DENND1B: variants seen among roughly 807,000 people sequenced by gnomAD.
The protein encoded by DENND1B is DENN domain-containing protein 1B.
A neutral mutation model predicts 90.1 loss-of-function variants in DENND1B; 59 were observed. The observed-to-expected ratio is 0.65, with a 90% CI of 0.53 to 0.81. The LOEUF is 0.81. Ranked by LOEUF, DENND1B falls within the 40% of genes least tolerant of loss-of-function variation. The probability of loss-of-function intolerance (pLI) is 0.00; values close to 1 mark genes in which losing one functional copy is unlikely to be tolerated. For missense variants in DENND1B, 862 were observed against 912.6 expected (o/e 0.94, Z 0.71); for synonymous variants, 337 against 324.6 (o/e 1.04, Z -0.41).
rs1470772877 is a variant in DENND1B, at chr1:197,607,341, C to G, written c.820-167G>C. Among the ~76,000 whole-genome samples the G allele has an allele frequency of 4.6e-5, 7 of 151,040 alleles. No individual in the cohort carries two copies. In the East Asian group the frequency reaches 1.4e-3, roughly 29 times the overall value. ...AAACAACTTTGCCTCCTGAGAAAGTCTGACTACAACTCATACGAAAAGATT... is the reference window on the plus strand; with the variant it reads ...AAACAACTTTGCCTCCTGAGAAAGTGTGACTACAACTCATACGAAAAGATT... On this transcript the variant is annotated intron_variant, in intron 12 of 22. Transcript: ENST00000620048.
At chr1:197,647,970 T>C (rs1378380643) in intron 7 of DENND1B, among the ~76,000 whole-genome samples, 2 of 151,464 alleles carry the variant, frequency 1.3e-5, no homozygotes, top group African/African-American at 2.4e-5. Context: ...AAAAAGATAT[T>C]ATAACTTTAA....
chr1:197,730,077 A>G (rs933760176), intron 2 of DENND1B, among the ~76,000 whole-genome samples: 3 of 152,164 alleles, frequency 2.0e-5, no homozygotes, highest in African/African-American at 4.8e-5. Flanking sequence ...GGTATATCAC[A>G]AAGAATTTTA....
chr1:197,511,664 A>T lies in DENND1B; in HGVS notation c.1815+64T>A. Reference sequence around the variant, plus strand: ...TCTACCAACAAAGAGTATAAGATCCAGTAATCACAGCCAAGGCAAGAATAT... The same window carrying T: ...TCTACCAACAAAGAGTATAAGATCCTGTAATCACAGCCAAGGCAAGAATAT... On this transcript the variant is annotated intron_variant, in intron 22 of 22. Coordinates refer to ENST00000620048, the MANE Select transcript of DENND1B (RefSeq NM_001195215.2). 2.3e-6 allele frequency: 3 copies of T among 1,328,922 alleles called. No homozygotes were observed. The East Asian group carries it at 7.5e-5, about 33-fold the overall frequency. 82.3% of individuals were successfully genotyped at this position (1,328,922 alleles called of 1,614,324 possible). A position where few individuals can be genotyped will look rare whatever the true frequency, so the allele number is the denominator to read the frequency against.
At chr1:197,598,266 C>A (rs1675887573) in intron 13 of DENND1B, among the ~76,000 whole-genome samples, 1 of 151,716 alleles carries the variant, frequency 6.6e-6, no homozygotes, top group South Asian at 2.1e-4. Flanking sequence ...TGAAGTTGTT[C>A]CTGTTTTTCA....
intron 2 of DENND1B, among the ~76,000 whole-genome samples, chr1:197,757,156 A>G (rs1654417544): frequency 6.6e-6 from 1 of 152,148 alleles, no homozygotes; most frequent in Non-Finnish European, 1.5e-5. Context: ...TATTATCTCT[A>G]TTGATCATCA....
intron 3 of DENND1B, among the ~76,000 whole-genome samples, chr1:197,707,600 T>A (rs1268913790): frequency 1.6e-4 from 23 of 146,792 alleles, no homozygotes; most frequent in Non-Finnish European, 1.5e-5. Flanking sequence ...ACATATATTA[T>A]ATACATATAT....
In DENND1B at chr1:197,652,327, G is replaced by T; in HGVS notation, c.367-12C>A. 1 of 1,598,976 alleles carries T rather than the reference G, an allele frequency of 6.3e-7. No individual in the cohort carries two copies. The highest frequency in any genetic ancestry group is 8.5e-7 in the Non-Finnish European group (1 of 1,173,764). ...TTCAAATCATTTTCCTAGGGCAAAA[G>T]AAAAAGTACATTTTATAAATAAAAC... On this transcript the variant is annotated splice_polypyrimidine_tract_variant and intron_variant, in intron 6 of 22. Coordinates refer to ENST00000620048, the MANE Select transcript of DENND1B (RefSeq NM_001195215.2).
chr1:197,703,156 T>G (rs985937578), intron 3 of DENND1B, among the ~76,000 whole-genome samples: 10 of 152,018 alleles, frequency 6.6e-5, no homozygotes, highest in African/African-American at 2.4e-4. Context: ...CCCGGCTAAT[T>G]GTTTTGTTTT....
chr1:197,727,261 C>T (rs1247879231), intron 2 of DENND1B, among the ~76,000 whole-genome samples: 12 of 152,188 alleles, frequency 7.9e-5, no homozygotes, highest in East Asian at 3.9e-4. Context: ...TAGCGCCGGG[C>T]GCAGTGGCTC....
At chr1:197,691,890 A>C (rs1483062885) in intron 3 of DENND1B, among the ~76,000 whole-genome samples, 1 of 151,942 alleles carries the variant, frequency 6.6e-6, no homozygotes, top group East Asian at 1.9e-4. Context: ...ATTCCACTTA[A>C]ATGAGACATC....
At chr1:197,511,563 T>C (rs913835302) in intron 22 of DENND1B, among the ~76,000 whole-genome samples, 165 bp downstream of exon 22, 3 of 151,768 alleles carry the variant, frequency 2.0e-5, no homozygotes, top group Admixed American at 6.6e-5. Flanking sequence ...ATTTTAATAA[T>C]AGAAATAATT....
intron 3 of DENND1B, among the ~76,000 whole-genome samples, chr1:197,701,539 C>T (rs1034120030): frequency 6.6e-5 from 10 of 151,298 alleles, no homozygotes; most frequent in Admixed American, 2.6e-4. Context: ...TACTTGTATC[C>T]CCCCCTTCCC....
At chr1:197,649,787 A>C (rs1652911813) in intron 7 of DENND1B, among the ~76,000 whole-genome samples, 1 of 152,084 alleles carries the variant, frequency 6.6e-6, no homozygotes, top group African/African-American at 2.4e-5. Context: ...CACTGGAAAA[A>C]CCCTTCTAGA....
intron 15 of DENND1B, among the ~76,000 whole-genome samples, chr1:197,575,816 G>C (rs1029994435): frequency 2.6e-5 from 4 of 152,136 alleles, no homozygotes; most frequent in Non-Finnish European, 4.4e-5. Context: ...ATCACTCTCA[G>C]CAAACTATCA....
chr1:197,757,077 A>G (rs1385798081), intron 2 of DENND1B, among the ~76,000 whole-genome samples: 1 of 151,806 alleles, frequency 6.6e-6, no homozygotes, highest in South Asian at 2.1e-4. Flanking sequence ...GTTACAAAAG[A>G]GATGTACCTG....
chr1:197,564,031 TGAG>T (rs904619673), intron 15 of DENND1B, among the ~76,000 whole-genome samples: 1 of 151,946 alleles, frequency 6.6e-6, no homozygotes, highest in Non-Finnish European at 1.5e-5. Context: ...CTTGAACAGA[TGAG>T]GAGTTACTTC....
intron 3 of DENND1B, among the ~76,000 whole-genome samples, chr1:197,687,918 A>G (rs1657423192): frequency 6.6e-6 from 1 of 152,132 alleles, no homozygotes; most frequent in African/African-American, 2.4e-5. Context: ...AGAAAACCCT[A>G]AAGAGTGCAT....
At chr1:197,628,894 G>T (rs1275609647) in intron 10 of DENND1B, among the ~76,000 whole-genome samples, 1 of 152,046 alleles carries the variant, frequency 6.6e-6, no homozygotes, top group East Asian at 1.9e-4. Flanking sequence ...CTCAAAAGAA[G>T]ACATTTATGC....
intron 13 of DENND1B, among the ~76,000 whole-genome samples, chr1:197,602,135 T>C (rs1226772967): frequency 1.3e-5 from 2 of 151,610 alleles, no homozygotes; most frequent in Non-Finnish European, 3.0e-5. Flanking sequence ...AGGTTTCTCA[T>C]TTTCATTATT....
Sources: allele counts gnomAD v4.1 joint callset (sites outside exome capture counted in the v4.1 genomes callset), GRCh38; gene constraint gnomAD v4.1.1; transcripts MANE v1.5; gene names NCBI Gene and HGNC (gene_info 2026-07-23, HGNC 2026-07-21).